The following CREBBP variants were observed in gnomAD, a reference collection of about 807,000 sequenced individuals.
CREBBP encodes CREB-binding protein.
CREBBP carries 19 observed loss-of-function variants against 265.0 expected under a neutral mutation model. That is an observed-to-expected ratio of 0.07 (90% CI 0.05 to 0.11). The LOEUF is 0.11. Ranked by LOEUF, CREBBP falls within the 10% of genes least tolerant of loss-of-function variation. The pLI is 1.00. For missense variants in CREBBP, 2,525 were observed against 3,219.0 expected, an observed-to-expected ratio of 0.78 and a Z score of 5.22; for synonymous variants, 1,457 against 1,223.7, an observed-to-expected ratio of 1.19 and a Z score of -3.98.
intron 2 of CREBBP, among the ~76,000 whole-genome samples, chr16:3,823,461 G>A (rs1260209499): frequency 1.3e-5 from 2 of 152,106 alleles, no homozygotes; most frequent in East Asian, 1.9e-4. Context: ...TTATACCTGT[G>A]GCTAGAAGAC....
At chr16:3,818,190 G>A (rs1327622999) in intron 2 of CREBBP, among the ~76,000 whole-genome samples, 3 of 152,194 alleles carry the variant, frequency 2.0e-5, no homozygotes, top group East Asian at 3.8e-4. Context: ...GGGGGGCCGG[G>A]GAGGAGGACG....
chr16:3,770,060 A>T (rs984819040), intron 14 of CREBBP, among the ~76,000 whole-genome samples: 1 of 152,128 alleles, frequency 6.6e-6, no homozygotes, highest in Non-Finnish European at 1.5e-5. Context: ...TGTAGAGACA[A>T]GGTTTCACAA....
chr16:3,846,879 A>G (rs1339254968), intron 2 of CREBBP, among the ~76,000 whole-genome samples: 1 of 152,212 alleles, frequency 6.6e-6, no homozygotes, highest in African/African-American at 2.4e-5. Flanking sequence ...TTCAAGAATT[A>G]AGAATTAACT....
chr16:3,806,363 C>T (rs1039983645), intron 3 of CREBBP, among the ~76,000 whole-genome samples: 1 of 152,042 alleles, frequency 6.6e-6, no homozygotes, highest in African/African-American at 2.4e-5. Context: ...CAAATCGTAA[C>T]ATCACTCATG....
At chr16:3,760,956 A>G (rs2052702938) in intron 16 of CREBBP, among the ~76,000 whole-genome samples, 1 of 152,022 alleles carries the variant, frequency 6.6e-6, no homozygotes, top group Non-Finnish European at 1.5e-5. Flanking sequence ...GTATCTTGAA[A>G]AGATTTGTTT....
intron 1 of CREBBP, among the ~76,000 whole-genome samples, chr16:3,861,583 TA>T (rs1386644476): frequency 6.9e-6 from 1 of 145,078 alleles, no homozygotes; most frequent in African/African-American, 2.5e-5. Flanking sequence ...CTAGTAGAAT[TA>T]AAGGTTACTT....
chr16:3,733,413 C>G (rs976499734), intron 28 of CREBBP, among the ~76,000 whole-genome samples: 8 of 151,118 alleles, frequency 5.3e-5, no homozygotes, highest in African/African-American at 1.7e-4. Context: ...CCGAGGAGCC[C>G]AAATATCACG....
At chr16:3,839,882 AAAAG>A (rs1009352440) in intron 2 of CREBBP, among the ~76,000 whole-genome samples, 1 of 152,098 alleles carries the variant, frequency 6.6e-6, no homozygotes, top group Non-Finnish European at 1.5e-5. Context: ...AAAAGAAAAG[AAAAG>A]AAAAAAGAAA....
rs1451863558 is a variant in CREBBP at position 3,806,743 on chromosome 16, T to A, written c.975+3860A>T. ...ACTTCCTGCATCACACCCCACCCTG[T>A]AAGCCGATGGCCCATCTTCCCTCCA... On this transcript the variant is annotated intron_variant, in intron 3 of 30. Transcript: ENST00000262367. 3.8e-4 allele frequency among the ~76,000 whole-genome samples: 58 copies of A among 152,122 alleles called. 1 individual carries two copies. Among genetic ancestry groups the A allele is most frequent in the Admixed American group, 3.8e-3 (58 of 15,282 alleles).
At chr16:3,849,479 G>GGAGCCACC (rs2054777317) in intron 2 of CREBBP, among the ~76,000 whole-genome samples, 1 of 121,046 alleles carries the variant, frequency 8.3e-6, no homozygotes, top group Non-Finnish European at 1.7e-5. Context: ...GTGTGTGTGT[G>GGAGCCACC]TGTGTGTGTG....
rs139300762 is a variant in CREBBP, at chr16:3,745,460, G to C, written c.3837-106C>G. 18 of 946,768 alleles carry C rather than the reference G, an allele frequency of 1.9e-5. 1 individual carries two copies. In the African/African-American group the frequency reaches 2.3e-4, roughly 12 times the overall value. The allele number at this position is 946,768 out of a possible 1,614,324, so 58.6% of individuals were successfully genotyped here. A position where few individuals can be genotyped will look rare whatever the true frequency, so the allele number is the denominator to read the frequency against. On this transcript the variant is annotated intron_variant, in intron 21 of 30. Coordinates refer to ENST00000262367, the MANE Select transcript of CREBBP (RefSeq NM_004380.3). ...CACACCTTGTTCTCTGGGTTACTTT[G>C]AGTAGTGCTGACATTAATGCGTGTG...
In CREBBP at chr16:3,731,471, G is replaced by A. The variant is rs779611081; in HGVS notation, c.4893C>T (p.Val1631=). The change falls in exon 30 of 31, where the codon GTC becomes GTT. Residue 1631 remains valine, a splice_region_variant and synonymous_variant. Transcript: ENST00000262367. The surrounding 1 kb of genome is among the most constrained non-coding windows in gnomAD (Gnocchi z 7.7). ...CAGCGTGCAGGTGGATCACGAAGAA[G>A]ACCTGCAGGAGAGGAGGGGCTTTAG... The part of the protein sequence containing the change: ...LYATMEKHKE[V]FFVIHLHAGP... 1.9e-6 allele frequency: 3 copies of A among 1,583,846 alleles called. No individual in the cohort carries two copies. Among genetic ancestry groups the A allele is most frequent in the African/African-American group, 2.7e-5 (2 of 74,794 alleles).
chr16:3,814,144 C>G lies in CREBBP; in HGVS notation c.799-3365G>C, dbSNP rs1166456784. Among the ~76,000 whole-genome samples, 5 of 149,906 alleles carry G rather than the reference C, an allele frequency of 3.3e-5. No homozygotes were observed. The East Asian group carries it at 9.8e-4, about 29-fold the overall frequency. On this transcript the variant is annotated intron_variant, in intron 2 of 30. Coordinates refer to ENST00000262367, the MANE Select transcript of CREBBP (RefSeq NM_004380.3). ...TACTTGCCTGGCCTGGGGCCCTTTT[C>G]TAACTGGTCAATGTTGTTTAGTGTG... is the stretch of plus-strand genomic sequence containing the variant.
At chr16:3,790,816 G>A (rs1444450049) in intron 5 of CREBBP, among the ~76,000 whole-genome samples, 3 of 152,162 alleles carry the variant, frequency 2.0e-5, no homozygotes, top group African/African-American at 7.2e-5. Context: ...AGAGGGAGGT[G>A]GGCTGGACTC....
At chr16:3,875,590 G>A (rs543003826) in intron 1 of CREBBP, among the ~76,000 whole-genome samples, 1 of 152,204 alleles carries the variant, frequency 6.6e-6, no homozygotes, top group African/African-American at 2.4e-5. Flanking sequence ...ATTCATGTGC[G>A]GGAAGGCCGC....
intron 2 of CREBBP, among the ~76,000 whole-genome samples, chr16:3,843,824 A>G (rs2054611653): frequency 6.6e-6 from 1 of 152,144 alleles, no homozygotes; most frequent in Non-Finnish European, 1.5e-5. Context: ...GATAATTCCA[A>G]ATCGATTTAA....
In CREBBP at chr16:3,799,241, C is replaced by A. The variant is rs369497470; in HGVS notation, c.976-5615G>T. 5.3e-5 allele frequency among the ~76,000 whole-genome samples: 8 copies of A among 152,168 alleles called. No individual in the cohort carries two copies. In the East Asian group the frequency reaches 1.5e-3, roughly 29 times the overall value. On this transcript the variant is annotated intron_variant, in intron 3 of 30. Coordinates refer to ENST00000262367, the MANE Select transcript of CREBBP (RefSeq NM_004380.3). ...AGTGGTGAAAATGTTTCAGAATTGACTGTGGTGATGGTTACACAATATACT... is the reference window on the plus strand; with the variant it reads ...AGTGGTGAAAATGTTTCAGAATTGAATGTGGTGATGGTTACACAATATACT...
rs766050154 is a variant in CREBBP at position 3,778,060 on chromosome 16, C to T, written c.2064G>A (p.Pro688=). Residue 688 remains proline, a synonymous_variant, in exon 10 of 31, where the codon CCG becomes CCA. Transcript: ENST00000262367. ...GTGGAATCACAGGGGGCTGAGCCCC[C>T]GGGGCTGGTAAGGCTGGCTGGTTCC... ...ILGNQPALPA[P]GAQPPVIPQA... The T allele has an allele frequency of 1.1e-5, 18 of 1,614,218 alleles. No homozygotes were observed. The highest frequency in any genetic ancestry group is 1.7e-5 in the Admixed American group (1 of 60,026).
chr16:3,824,876 T>C (rs1295359966), intron 2 of CREBBP, among the ~76,000 whole-genome samples: 2 of 152,246 alleles, frequency 1.3e-5, no homozygotes, highest in Non-Finnish European at 2.9e-5. Flanking sequence ...GCCTCAACAG[T>C]GTGCCCACTC....
Sources: gnomAD v4.1 joint callset for allele counts (sites outside exome capture counted in the v4.1 genomes callset) on GRCh38, gnomAD v4.1.1 for gene constraint, Gnocchi (gnomAD v3.1) non-coding constraint, MANE v1.5 for transcripts, NCBI Gene and HGNC (gene_info 2026-07-23, HGNC 2026-07-21) for gene names.